Variants in MYO19 observed in about 807,000 individuals in gnomAD.
The protein encoded by MYO19 is myosin XIX.
In MYO19, 132 loss-of-function variants were observed where a neutral mutation model predicts 129.2. The observed-to-expected ratio is 1.02, with a 90% CI of 0.89 to 1.18. The LOEUF is 1.18. MYO19 is among the 50% of genes most tolerant of loss of function. The probability of loss-of-function intolerance (pLI) is 0.00; values close to 1 mark genes in which losing one functional copy is unlikely to be tolerated. For missense variants in MYO19, 1,210 were observed against 1,216.7 expected, an observed-to-expected ratio of 0.99 and a Z score of 0.08; for synonymous variants, 531 against 477.2, an observed-to-expected ratio of 1.11 and a Z score of -1.47.
At chr17:36,540,893 A>G (rs145649484) in intron 2 of MYO19, among the ~76,000 whole-genome samples, 349 of 152,352 alleles carry the variant, frequency 2.3e-3, no homozygotes, top group African/African-American at 8.2e-3. Flanking sequence ...TTTTGAGGGC[A>G]GAGGAGAGGG....
chr17:36,504,000 GGC>G lies in MYO19; in HGVS notation c.1924_1925del (p.Ala642LeufsTer52), dbSNP rs760789892. On this transcript the variant is annotated frameshift_variant, in exon 20 of 26. Transcript: ENST00000614623. LOFTEE classifies it high-confidence loss of function. ...LQEEVLSQLE[A>X]CGLVETIHIS... Reference sequence around the variant, plus strand: ...TATGGATGGTCTCCACGAGGCCACAGGCCTCCAGCTGGCTCAGGACCTGCAAG... The same window carrying G: ...TATGGATGGTCTCCACGAGGCCACAGCTCCAGCTGGCTCAGGACCTGCAAG... The G allele has an allele frequency of 1.1e-5, 18 of 1,582,102 alleles. No homozygotes were observed. The Admixed American group carries it at 3.3e-4, about 29-fold the overall frequency.
At chr17:36,502,832 C>T in intron 21 of MYO19, 1 of 530,456 alleles carries the variant, frequency 1.9e-6, no homozygotes, top group South Asian at 2.4e-5. Flanking sequence ...CTGGCTAATC[C>T]AATTTATTCT....
upstream of MYO19, among the ~76,000 whole-genome samples, chr17:36,536,496 GCT>G (rs2074127360): frequency 1.3e-5 from 2 of 149,710 alleles, no homozygotes; most frequent in Non-Finnish European, 3.0e-5. Context: ...TCCCAAATTC[GCT>G]CTCTTTTCCT....
At chr17:36,537,900 G>T (rs765071059), upstream of MYO19, 1 of 1,613,776 alleles carries the variant, frequency 6.2e-7, no homozygotes, top group Non-Finnish European at 8.5e-7. Flanking sequence ...TATTGCCCTC[G>T]GCATTACTGT....
upstream of MYO19, chr17:36,536,976 A>G (rs180867287): frequency 8.4e-6 from 7 of 835,644 alleles, no homozygotes; most frequent in Admixed American, 2.0e-4. Context: ...AGGTGAACTC[A>G]TTAGGGCCCA....
chr17:36,515,713 G>C (rs1235749967), intron 7 of MYO19, 145 bp downstream of exon 7: 2 of 768,054 alleles, frequency 2.6e-6, no homozygotes, highest in Non-Finnish European at 4.1e-6. Context: ...ACCAGGGAGA[G>C]GTTGGGGATC....
At chr17:36,538,378 C>A (rs770369186), upstream of MYO19, 1 of 1,614,064 alleles carries the variant, frequency 6.2e-7, no homozygotes, top group East Asian at 2.2e-5. Flanking sequence ...CATTCAGAAT[C>A]TCTAGTCCCT....
At chr17:36,527,236 T>C (rs1275201735) in intron 5 of MYO19, among the ~76,000 whole-genome samples, 2 of 152,038 alleles carry the variant, frequency 1.3e-5, no homozygotes, top group Admixed American at 6.6e-5. Context: ...AACAAATATA[T>C]AATACCTTTA....
chr17:36,536,005 CA>C (rs1425739239), upstream of MYO19, among the ~76,000 whole-genome samples: 1 of 152,178 alleles, frequency 6.6e-6, no homozygotes, highest in Admixed American at 6.5e-5. Flanking sequence ...CGCATGCATT[CA>C]CTTACTTATT....
Position 36,509,129 on chromosome 17 carries a change from A to G in MYO19, c.1164T>C (p.Phe388=), listed in dbSNP as rs756665966. Residue 388 remains phenylalanine, a synonymous_variant, in exon 14 of 26, where the codon TTT becomes TTC. Coordinates refer to ENST00000614623, the MANE Select transcript of MYO19 (RefSeq NM_001163735.2). The part of the protein sequence containing the change: ...CLAKLIYARL[F]DWLVSVINSS... ...TGTTGATCACTGATACCAGCCAGTC[A>G]AACAACCTGTTGGGGGAAGAGAGTG... The G allele has an allele frequency of 6.2e-7, 1 of 1,613,702 alleles. No homozygotes were observed.
At position 36,509,242 on chromosome 17, in the gene MYO19, T is replaced by C. The variant is rs567258579; in HGVS notation, c.1158-107A>G. ...GCTACACCCTGGGGGGCCCTTGTAT[T>C]CTGAGCCTGACAGGTCAAAGACCAA... On this transcript the variant is annotated intron_variant, in intron 13 of 25. Coordinates refer to ENST00000614623, the MANE Select transcript of MYO19 (RefSeq NM_001163735.2). The C allele has an allele frequency of 3.2e-6, 3 of 934,162 alleles. No homozygotes were observed. In the East Asian group the frequency reaches 7.8e-5, roughly 24 times the overall value. The allele number at this position is 934,162 out of a possible 1,614,324, so 57.9% of individuals were successfully genotyped here. A position where few individuals can be genotyped will look rare whatever the true frequency, so the allele number is the denominator to read the frequency against.
chr17:36,527,738 A>G (rs775892777), intron 4 of MYO19, 39 bp from the exon 5 acceptor site: 9 of 1,590,070 alleles, frequency 5.7e-6, no homozygotes, highest in African/African-American at 5.4e-5. Flanking sequence ...GGGCTCAAAT[A>G]TAGTCAAACC....
chr17:36,539,819 G>C (rs190088979), upstream of MYO19, among the ~76,000 whole-genome samples: 1 of 151,740 alleles, frequency 6.6e-6, no homozygotes, highest in East Asian at 1.9e-4. Flanking sequence ...AAGTTATGAA[G>C]AAAAAGCATA....
At chr17:36,503,287 T>A in intron 20 of MYO19, 87 bp from the exon 21 acceptor site, 2 of 1,085,616 alleles carry the variant, frequency 1.8e-6, no homozygotes, top group Non-Finnish European at 2.8e-6. Context: ...TTATTCTATT[T>A]AATCTGCTCA....
intron 5 of MYO19, among the ~76,000 whole-genome samples, chr17:36,525,585 T>C (rs973559507): frequency 6.6e-6 from 1 of 152,216 alleles, no homozygotes; most frequent in Non-Finnish European, 1.5e-5. Flanking sequence ...TAACACTTTA[T>C]ACCCCCATCT....
chr17:36,533,661 C>G (rs927719495), intron 2 of MYO19: 1 of 152,216 alleles, frequency 6.6e-6, no homozygotes, highest in Non-Finnish European at 1.5e-5. Context: ...TGCTGGACCA[C>G]TTAAGGTGTG....
upstream of MYO19, among the ~76,000 whole-genome samples, chr17:36,539,925 G>A (rs1471158626): frequency 6.6e-6 from 1 of 151,688 alleles, no homozygotes; most frequent in African/African-American, 2.4e-5. Context: ...TGATTAGTGG[G>A]ATGAGGAGTT....
Position 36,510,928 on chromosome 17 carries a change from CA to C in MYO19, c.986-12del. 6.4e-7 allele frequency: 1 copy of C among 1,562,814 alleles called. No individual in the cohort carries two copies. The highest frequency in any genetic ancestry group is 8.7e-7 in the Non-Finnish European group (1 of 1,152,646). ...CCGTCCTGACAGAGTCTGGGAGGGGCAAATCCTCTTTAGGCAAATCACTCTC... is the reference window on the plus strand; with the variant it reads ...CCGTCCTGACAGAGTCTGGGAGGGGCAATCCTCTTTAGGCAAATCACTCTC... On this transcript the variant is annotated splice_polypyrimidine_tract_variant and intron_variant, in intron 12 of 25. Coordinates refer to ENST00000614623, the MANE Select transcript of MYO19 (RefSeq NM_001163735.2).
intron 6 of MYO19, among the ~76,000 whole-genome samples, chr17:36,519,783 C>A (rs2073028384): frequency 6.6e-6 from 1 of 152,082 alleles, no homozygotes; most frequent in African/African-American, 2.4e-5. Flanking sequence ...TGAATTCCCT[C>A]AACTTCTATT....
Sources: gnomAD v4.1 joint callset for allele counts (sites outside exome capture counted in the v4.1 genomes callset) on GRCh38, gnomAD v4.1.1 for gene constraint, MANE v1.5 for transcripts, NCBI Gene and HGNC (gene_info 2026-07-23, HGNC 2026-07-21) for gene names.